The following SLC8A2 variants were observed in gnomAD, a reference collection of about 807,000 sequenced individuals.
SLC8A2 encodes the protein solute carrier family 8 member A2, also known as sodium/calcium exchanger 2.
In SLC8A2, 14 loss-of-function variants were observed where a neutral mutation model predicts 70.2. The ratio of observed to expected loss-of-function variants is 0.20; its 90% confidence interval spans 0.13 to 0.31. The LOEUF (loss-of-function observed/expected upper bound fraction) is 0.31. SLC8A2 is among the 10% of genes least tolerant of loss of function. The probability of loss-of-function intolerance (pLI) is 1.00; values close to 1 mark genes in which losing one functional copy is unlikely to be tolerated. For missense variants in SLC8A2, 779 were observed against 1,320.1 expected (o/e 0.59, Z 6.35); for synonymous variants, 575 against 594.3 (o/e 0.97, Z 0.47).
chr19:47,459,568 ATG>A (rs374384842), intron 2 of SLC8A2, among the ~76,000 whole-genome samples: 141 of 149,002 alleles, frequency 9.5e-4, no homozygotes, highest in African/African-American at 3.1e-3. Context: ...GCATGTGTAT[ATG>A]TGTATGTGCG....
At chr19:47,438,119 T>C in intron 6 of SLC8A2, 146 bp from the exon 7 acceptor site, 1 of 920,138 alleles carries the variant, frequency 1.1e-6, no homozygotes, top group Non-Finnish European at 1.6e-6. Flanking sequence ...GCCTCCCACC[T>C]GACCACCGTC....
In SLC8A2 at chr19:47,461,224, G is replaced by A. The variant is rs561563152; in HGVS notation, c.676-3630C>T. 1.1e-3 allele frequency among the ~76,000 whole-genome samples: 161 copies of A among 150,374 alleles called. 1 individual carries two copies. In the Middle Eastern group the frequency reaches 0.014, roughly 14 times the overall value. On this transcript the variant is annotated intron_variant, in intron 2 of 9. Coordinates refer to ENST00000236877, the MANE Select transcript of SLC8A2 (RefSeq NM_015063.3). ...GAGTATTTACGATGACAAGGCCCCC[G>A]AAGGCCAGGCACAGTGGCTCACGCC...
At chr19:47,470,049 CTG>C (rs1014287309) in intron 1 of SLC8A2, among the ~76,000 whole-genome samples, 11 of 152,228 alleles carry the variant, frequency 7.2e-5, no homozygotes, top group Admixed American at 5.9e-4. Flanking sequence ...GCTTTTCTGA[CTG>C]TGCCTGTGTT....
Position 47,429,057 on chromosome 19 carries a change from T to C in SLC8A2, c.*1032A>G, listed in dbSNP as rs1966913958. The C allele has an allele frequency of 7.2e-6, 1 of 139,572 alleles. No homozygotes were observed. The highest frequency in any genetic ancestry group is 7.1e-5 in the Admixed American group (1 of 14,022). The allele number at this position is 139,572 out of a possible 1,614,324, so 8.6% of individuals were successfully genotyped here. Reference sequence around the variant, plus strand: ...AGATGTGGCAGCATTTGCTGGCTTGTAGCATTGGTCCTCTGGGACCCTCGG... The same window carrying C: ...AGATGTGGCAGCATTTGCTGGCTTGCAGCATTGGTCCTCTGGGACCCTCGG... On this transcript the variant is annotated 3_prime_UTR_variant, in exon 10 of 10. Transcript: ENST00000236877.
At chr19:47,437,588 T>C in intron 7 of SLC8A2, 27 bp from the exon 8 acceptor site, 1 of 1,538,698 alleles carries the variant, frequency 6.5e-7, no homozygotes, top group Non-Finnish European at 9.0e-7. Flanking sequence ...GGGGGAGAGG[T>C]CACTGCCCCT....
intron 3 of SLC8A2, 38 bp downstream of exon 3, chr19:47,456,892 G>C (rs1439740834): frequency 6.5e-7 from 1 of 1,535,050 alleles, no homozygotes. Context: ...CACGGCCTGC[G>C]CCAGCCCCCT....
chr19:47,470,083 C>A (rs1205398648), intron 1 of SLC8A2, among the ~76,000 whole-genome samples: 1 of 152,168 alleles, frequency 6.6e-6, no homozygotes, highest in East Asian at 1.9e-4. Context: ...CCTTGCAGGA[C>A]CGAGCTGGGG....
intron 2 of SLC8A2, among the ~76,000 whole-genome samples, chr19:47,460,894 A>G (rs1413780086): frequency 6.6e-6 from 1 of 151,920 alleles, no homozygotes; most frequent in Non-Finnish European, 1.5e-5. Context: ...TACCTTTCTC[A>G]TCAAAGATGA....
chr19:47,432,267 G>A lies in SLC8A2; in HGVS notation c.2289C>T (p.Thr763=), dbSNP rs150808359. 1.3e-3 allele frequency: 2,084 copies of A among 1,614,038 alleles called. 1 individual carries two copies. Among genetic ancestry groups the A allele is most frequent in the Non-Finnish European group, 1.6e-3 (1,864 of 1,180,010 alleles). Residue 763 remains threonine, a synonymous_variant, in exon 9 of 10, where the codon ACC becomes ACT. Coordinates refer to ENST00000236877, the MANE Select transcript of SLC8A2 (RefSeq NM_015063.3). The surrounding 1 kb of genome is among the most constrained non-coding windows in gnomAD (Gnocchi z 6.2). ...GVSILVIGLL[T]ALIGDLASHF... ...GGGAGGCGAGGTCCCCAATGAGGGCGGTGAGCAGGCCGATGACCAGGATGG... is the reference window on the plus strand; with the variant it reads ...GGGAGGCGAGGTCCCCAATGAGGGCAGTGAGCAGGCCGATGACCAGGATGG...
At position 47,430,095 on chromosome 19, in the gene SLC8A2, G is replaced by A; in HGVS notation, c.2760C>T (p.Gly920=). 2 of 1,585,516 alleles carry A rather than the reference G, an allele frequency of 1.3e-6. No individual in the cohort carries two copies. The highest frequency in any genetic ancestry group is 1.7e-6 in the Non-Finnish European group (2 of 1,165,668). ...ASLEAYCHIR[G]F is the part of the protein sequence containing the mutation. The stretch of plus-strand genomic sequence containing the variant: ...CGAGTCTCTGCGCGAGGCCCTAGAA[G>A]CCCCGGATGTGGCAGTACGCCTCCA... Residue 920 remains glycine, a synonymous_variant, in exon 10 of 10, where the codon GGC becomes GGT. Coordinates refer to ENST00000236877, the MANE Select transcript of SLC8A2 (RefSeq NM_015063.3). The surrounding 1 kb of genome is among the most constrained non-coding windows in gnomAD (Gnocchi z 5.9).
At chr19:47,454,162 C>A (rs1282774896) in intron 3 of SLC8A2, among the ~76,000 whole-genome samples, 1 of 152,014 alleles carries the variant, frequency 6.6e-6, no homozygotes, top group Non-Finnish European at 1.5e-5. Context: ...CAATAAAAAA[C>A]AATCTTGGTC....
At chr19:47,445,219 C>T (rs1967146204) in intron 4 of SLC8A2, among the ~76,000 whole-genome samples, 1 of 152,186 alleles carries the variant, frequency 6.6e-6, no homozygotes, top group African/African-American at 2.4e-5. Context: ...AGCGATTCTC[C>T]TGTCTCAGCC....
chr19:47,444,668 G>A (rs1967138341), intron 4 of SLC8A2, among the ~76,000 whole-genome samples: 1 of 152,200 alleles, frequency 6.6e-6, no homozygotes, highest in African/African-American at 2.4e-5. Flanking sequence ...CACAGTGACT[G>A]ACGTGCAGTG....
intron 6 of SLC8A2, among the ~76,000 whole-genome samples, chr19:47,439,720 G>A (rs993717598): frequency 6.6e-6 from 1 of 150,764 alleles, no homozygotes; most frequent in Non-Finnish European, 1.5e-5. Flanking sequence ...CTGGAGTGCA[G>A]TGGCACGATC....
intron 1 of SLC8A2, among the ~76,000 whole-genome samples, chr19:47,470,824 G>A (rs1259276403): frequency 6.6e-6 from 1 of 152,176 alleles, no homozygotes; most frequent in African/African-American, 2.4e-5. Context: ...CCAGAAACAA[G>A]GCAGGGGGAG....
chr19:47,449,271 G>T (rs930862091), intron 3 of SLC8A2, among the ~76,000 whole-genome samples: 1 of 152,132 alleles, frequency 6.6e-6, no homozygotes, highest in Non-Finnish European at 1.5e-5. Flanking sequence ...GAGACCTGAA[G>T]GAGGGGAGGG....
At position 47,450,249 on chromosome 19, in the gene SLC8A2, G is replaced by A. The variant is rs368169110; in HGVS notation, c.1341-2018C>T. ...TATTAAAGGGGTTCTGGGGCCGGGC[G>A]CGGTGGCTCACGCCTGTAATACCAA... On this transcript the variant is annotated intron_variant, in intron 3 of 9. Transcript: ENST00000236877. 2.4e-4 allele frequency among the ~76,000 whole-genome samples: 37 copies of A among 152,268 alleles called. No homozygotes were observed. The South Asian group carries it at 7.1e-3, about 29-fold the overall frequency.
At chr19:47,435,929 C>T (rs528708355) in intron 8 of SLC8A2, among the ~76,000 whole-genome samples, 14 of 152,260 alleles carry the variant, frequency 9.2e-5, no homozygotes, top group African/African-American at 3.1e-4. Context: ...GGGGCTTCCC[C>T]CATTCAAAAC....
At chr19:47,461,006 A>G (rs1334327731) in intron 2 of SLC8A2, among the ~76,000 whole-genome samples, 3 of 151,708 alleles carry the variant, frequency 2.0e-5, no homozygotes, top group African/African-American at 7.3e-5. Flanking sequence ...GAGGGCCAAC[A>G]TGGTGAAACC....
Sources: gnomAD v4.1 joint callset for allele counts (sites outside exome capture counted in the v4.1 genomes callset) on GRCh38, gnomAD v4.1.1 for gene constraint, Gnocchi (gnomAD v3.1) non-coding constraint, MANE v1.5 for transcripts, NCBI Gene and HGNC (gene_info 2026-07-23, HGNC 2026-07-21) for gene names.